DZIP1: variants seen among roughly 807,000 people sequenced by gnomAD.
DZIP1 encodes the protein cilium assembly protein DZIP1.
A neutral mutation model predicts 107.6 loss-of-function variants in DZIP1; 97 were observed. That is an observed-to-expected ratio of 0.90 (90% CI 0.77 to 1.07). The LOEUF (loss-of-function observed/expected upper bound fraction) is 1.07, where lower values mean the gene tolerates loss of function less well. Ranked by LOEUF, DZIP1 falls within the 50% of genes least tolerant of loss-of-function variation. The pLI is 0.00. For synonymous variants in DZIP1, 390 were observed against 386.4 expected, an observed-to-expected ratio of 1.01 and a Z score of -0.11; for missense variants, 1,035 against 1,063.6, an observed-to-expected ratio of 0.97 and a Z score of 0.37.
chr13:95,618,034 T>C (rs1371762511), intron 10 of DZIP1: 1 of 518,842 alleles, frequency 1.9e-6, no homozygotes, highest in African/African-American at 1.9e-5. Flanking sequence ...CCCATGGAGA[T>C]GTCGAGTACT....
chr13:95,603,306 CAAAAAAAAA>C (rs34995131), intron 14 of DZIP1, among the ~76,000 whole-genome samples: 1,301 of 48,008 alleles, frequency 0.027, 15 homozygotes, highest in Middle Eastern at 0.21. Flanking sequence ...TGCCCAGTCT[CAAAAAAAAA>C]AAAAAAAAAA....
intron 10 of DZIP1, 150 bp from the exon 11 acceptor site, chr13:95,612,327 T>C (rs1566394711): frequency 9.9e-6 from 9 of 908,620 alleles, no homozygotes; most frequent in Non-Finnish European, 8.1e-6. Context: ...GATCATGGTA[T>C]ATCCTGGCCC....
intron 5 of DZIP1, among the ~76,000 whole-genome samples, chr13:95,637,692 C>T (rs1378884005): frequency 6.6e-6 from 1 of 151,738 alleles, no homozygotes; most frequent in Non-Finnish European, 1.5e-5. Context: ...AAGAAGGTGG[C>T]TGTTTACAAG....
chr13:95,608,282 T>C (rs2044846066), intron 13 of DZIP1, among the ~76,000 whole-genome samples: 1 of 152,042 alleles, frequency 6.6e-6, no homozygotes, highest in African/African-American at 2.4e-5. Context: ...ATTTTATATA[T>C]ACTATAATAC....
chr13:95,636,543 CAAAAA>C lies in DZIP1; in HGVS notation c.598-3227_598-3223del, dbSNP rs58289509. ...AGGGTGACAAAACAAGACCTTGACT[CAAAAA>C]AAAAAAAAAAAATAGAAAAAAAGAA... On this transcript the variant is annotated intron_variant, in intron 5 of 22. Transcript: ENST00000376829. Among the ~76,000 whole-genome samples the C allele has an allele frequency of 6.2e-3, 729 of 118,252 alleles. 9 individuals are homozygous for C. The highest frequency in any genetic ancestry group is 0.024 in the African/African-American group (701 of 29,216). 77.6% of individuals were successfully genotyped at this position (118,252 alleles called of 152,430 possible). A position where few individuals can be genotyped will look rare whatever the true frequency, so the allele number is the denominator to read the frequency against.
intron 14 of DZIP1, among the ~76,000 whole-genome samples, chr13:95,600,586 TAGATGATAGATAGATAGATA>T (rs2044587576): frequency 1.4e-5 from 2 of 146,544 alleles, no homozygotes; most frequent in South Asian, 2.2e-4. Context: ...GATAGATAGA[TAGATGATAGATAGATAGATA>T]GATAGATAGA....
chr13:95,625,100 TA>T, intron 7 of DZIP1, among the ~76,000 whole-genome samples, 171 bp from the exon 8 acceptor site: 1 of 152,352 alleles, frequency 6.6e-6, no homozygotes, highest in East Asian at 1.9e-4. Flanking sequence ...ATGATTTTTC[TA>T]AACTAAAGGC....
At chr13:95,618,765 C>T (rs1875462221) in intron 10 of DZIP1, among the ~76,000 whole-genome samples, 1 of 152,022 alleles carries the variant, frequency 6.6e-6, no homozygotes, top group Admixed American at 6.6e-5. Context: ...TAATATTCTA[C>T]TAAGAAAGGT....
At chr13:95,611,603 TC>T (rs1594693066) in intron 11 of DZIP1, 110 bp from the exon 12 acceptor site, 1 of 917,306 alleles carries the variant, frequency 1.1e-6, no homozygotes, top group Non-Finnish European at 1.7e-6. Context: ...CACTAAATTA[TC>T]CAGGGACATA....
chr13:95,601,392 A>G (rs542163785), intron 14 of DZIP1, among the ~76,000 whole-genome samples: 47 of 152,306 alleles, frequency 3.1e-4, no homozygotes, highest in African/African-American at 1.0e-3. Flanking sequence ...CAAAACACTC[A>G]GAGGTCTGAG....
chr13:95,590,478 G>T, intron 16 of DZIP1, 37 bp from the exon 17 acceptor site: 1 of 1,568,170 alleles, frequency 6.4e-7, no homozygotes, highest in Non-Finnish European at 8.6e-7. Context: ...CAGTTATCCT[G>T]GGAGGTTTCA....
chr13:95,581,049 T>G lies in DZIP1; in HGVS notation c.*1185A>C, dbSNP rs1017635561. 19 of 152,224 alleles carry G rather than the reference T, an allele frequency of 1.2e-4. No homozygotes were observed. Among genetic ancestry groups the G allele is most frequent in the African/African-American group, 4.3e-4 (18 of 41,456 alleles). The allele number at this position is 152,224 out of a possible 1,614,324, so 9.4% of individuals were successfully genotyped here. ...AGCAATCAAGGCCAGATTCTCCCTC[T>G]GTAAGACCCCTAATAAGTACAAATT... On this transcript the variant is annotated 3_prime_UTR_variant, in exon 23 of 23. Transcript: ENST00000376829.
chr13:95,630,181 C>T lies in DZIP1; in HGVS notation c.686-68G>A, dbSNP rs1202449169. 4 of 1,540,458 alleles carry T rather than the reference C, an allele frequency of 2.6e-6. No homozygotes were observed. The African/African-American group carries it at 4.1e-5, about 16-fold the overall frequency. On this transcript the variant is annotated intron_variant, in intron 6 of 22. Transcript: ENST00000376829. ...AATGTACCTGGAAACTTATGGGGTACAGTCCTGTTGATAACACGAAGGAAA... is the reference window on the plus strand; with the variant it reads ...AATGTACCTGGAAACTTATGGGGTATAGTCCTGTTGATAACACGAAGGAAA...
chr13:95,633,527 T>C (rs530193441), intron 5 of DZIP1, among the ~76,000 whole-genome samples: 1 of 147,082 alleles, frequency 6.8e-6, no homozygotes, highest in Admixed American at 6.8e-5. Context: ...CACAAAAAAA[T>C]ACAAAATTAG....
chr13:95,594,384 A>G (rs2044388459), intron 15 of DZIP1, among the ~76,000 whole-genome samples: 1 of 152,228 alleles, frequency 6.6e-6, no homozygotes, highest in Non-Finnish European at 1.5e-5. Context: ...AAATTTATTT[A>G]GGAGTTTAAT....
chr13:95,638,074 C>A (rs1878035348), intron 5 of DZIP1, among the ~76,000 whole-genome samples: 1 of 149,060 alleles, frequency 6.7e-6, no homozygotes. Context: ...AAATGCTAAC[C>A]TGAGTTCAAT....
In DZIP1 at chr13:95,617,506, A is replaced by T. The variant is rs939022224; in HGVS notation, c.1173+2379T>A. Among the ~76,000 whole-genome samples the T allele has an allele frequency of 2.6e-5, 4 of 152,070 alleles. No individual in the cohort carries two copies. The East Asian group carries it at 7.7e-4, about 29-fold the overall frequency. Reference sequence around the variant, plus strand: ...AAATACATGCCATCTTCACCCACTCAATTTGTGGTCATTTGCTACACAGAA... The same window carrying T: ...AAATACATGCCATCTTCACCCACTCTATTTGTGGTCATTTGCTACACAGAA... On this transcript the variant is annotated intron_variant, in intron 10 of 22. Transcript: ENST00000376829.
intron 22 of DZIP1, among the ~76,000 whole-genome samples, chr13:95,584,002 G>C (rs1355733884): frequency 6.6e-6 from 1 of 151,612 alleles, no homozygotes; most frequent in East Asian, 1.9e-4. Context: ...TTTTGAGACA[G>C]AGTCTCACTC....
At chr13:95,626,163 C>A (rs1048385437) in intron 7 of DZIP1, among the ~76,000 whole-genome samples, 12 of 151,632 alleles carry the variant, frequency 7.9e-5, no homozygotes, top group African/African-American at 2.2e-4. Context: ...GAAGAAAAAT[C>A]TTAAATAAAT....
Sources: gnomAD v4.1 joint callset for allele counts (sites outside exome capture counted in the v4.1 genomes callset) on GRCh38, gnomAD v4.1.1 for gene constraint, MANE v1.5 for transcripts, NCBI Gene and HGNC (gene_info 2026-07-23, HGNC 2026-07-21) for gene names.